Variants in MLIP observed in about 807,000 individuals in gnomAD.
The protein encoded by MLIP is muscular LMNA interacting protein.
In MLIP, 79 loss-of-function variants were observed where a neutral mutation model predicts 84.8. That is an observed-to-expected ratio of 0.93 (90% confidence interval 0.78 to 1.12). The LOEUF (loss-of-function observed/expected upper bound fraction) is 1.12. Ranked by LOEUF, MLIP falls within the 50% of genes most tolerant of loss-of-function variation. The probability of loss-of-function intolerance (pLI) is 0.00; values close to 1 mark genes in which losing one functional copy is unlikely to be tolerated. For missense variants in MLIP, 1,257 were observed against 1,160.6 expected (o/e 1.08, Z -1.21); for synonymous variants, 504 against 463.0 (o/e 1.09, Z -1.14).
chr6:54,172,798 T>C (rs1279141423), intron 9 of MLIP, among the ~76,000 whole-genome samples: 1 of 151,668 alleles, frequency 6.6e-6, no homozygotes, highest in Admixed American at 6.6e-5. Context: ...TGACATTTCA[T>C]ACAGTCTGTT....
intron 1 of MLIP, among the ~76,000 whole-genome samples, chr6:54,060,948 A>C (rs1042867363): frequency 6.6e-6 from 1 of 152,014 alleles, no homozygotes; most frequent in African/African-American, 2.4e-5. Flanking sequence ...TGGGATCTTA[A>C]TTAGAGACAT....
intron 1 of MLIP, among the ~76,000 whole-genome samples, chr6:54,040,823 C>T (rs2150301024): frequency 6.6e-6 from 1 of 152,084 alleles, no homozygotes; most frequent in Non-Finnish European, 1.5e-5. Flanking sequence ...AACAGAAAAC[C>T]AAATACTGCA....
chr6:54,255,509 C>T (rs1256076063), intron 12 of MLIP, among the ~76,000 whole-genome samples: 1 of 152,134 alleles, frequency 6.6e-6, no homozygotes, highest in African/African-American at 2.4e-5. Context: ...GGCAAATCTA[C>T]TGTGATAAAA....
Position 54,138,350 on chromosome 6 carries a change from C to A in MLIP, c.2217+64C>A, listed in dbSNP as rs180958815. ...AACAGGGAAGAATCTTTTTTTTTTC[C>A]CCAAGGCAGAAATCAATAATTATAG... On this transcript the variant is annotated intron_variant, in intron 4 of 13. Transcript: ENST00000502396. 4 of 1,452,658 alleles carry A rather than the reference C, an allele frequency of 2.8e-6. No individual in the cohort carries two copies. In the African/African-American group the frequency reaches 5.7e-5, roughly 21 times the overall value. The allele number at this position is 1,452,658 out of a possible 1,614,324, so 90.0% of individuals were successfully genotyped here.
intron 11 of MLIP, among the ~76,000 whole-genome samples, chr6:54,227,226 G>A (rs1405251329): frequency 6.6e-6 from 1 of 152,152 alleles, no homozygotes; most frequent in Non-Finnish European, 1.5e-5. Flanking sequence ...TGTACAGCCT[G>A]TGGAACTGTG....
chr6:54,220,597 C>T (rs1428802941), intron 11 of MLIP, among the ~76,000 whole-genome samples: 1 of 151,992 alleles, frequency 6.6e-6, no homozygotes, highest in Non-Finnish European at 1.5e-5. Context: ...GCCAATTACT[C>T]CCAATATGGG....
intron 10 of MLIP, among the ~76,000 whole-genome samples, chr6:54,200,032 C>T (rs1164946367): frequency 6.6e-6 from 1 of 152,062 alleles, no homozygotes; most frequent in African/African-American, 2.4e-5. Flanking sequence ...ATCCAGGAAA[C>T]TCATAAGAAC....
intron 1 of MLIP, chr6:54,019,217 T>A: frequency 1.1e-6 from 1 of 888,752 alleles, no homozygotes. Flanking sequence ...TCAATAACTT[T>A]AAAATTAATG....
chr6:54,136,609 C>T, intron 3 of MLIP, 106 bp from the exon 4 acceptor site: 8 of 1,101,346 alleles, frequency 7.3e-6, no homozygotes, highest in Non-Finnish European at 9.8e-6. Context: ...GTTTAAGATG[C>T]CTCCTTTTGT....
chr6:54,178,820 T>C lies in MLIP; in HGVS notation c.2544+9248T>C, dbSNP rs144896237. On this transcript the variant is annotated intron_variant, in intron 9 of 13. Transcript: ENST00000502396. ...GTTTTGTGACCTAACATACGGTCTA[T>C]CCTTGAGAATGATCCATGTGCTAAG... Among the ~76,000 whole-genome samples the C allele has an allele frequency of 5.8e-4, 89 of 152,318 alleles. 1 individual carries two copies. Among genetic ancestry groups the C allele is most frequent in the African/African-American group, 2.0e-3 (83 of 41,570 alleles).
At chr6:54,158,413 T>A (rs1774269819) in intron 5 of MLIP, among the ~76,000 whole-genome samples, 1 of 152,156 alleles carries the variant, frequency 6.6e-6, no homozygotes, top group South Asian at 2.1e-4. Flanking sequence ...AATAACTGTC[T>A]TGTGCCTACA....
chr6:54,196,464 A>G (rs904962577), intron 10 of MLIP, among the ~76,000 whole-genome samples: 4 of 152,006 alleles, frequency 2.6e-5, no homozygotes, highest in Non-Finnish European at 5.9e-5. Context: ...CATTAGTTTG[A>G]TGAGGATAAT....
chr6:54,223,802 A>C (rs1343020095), intron 11 of MLIP, among the ~76,000 whole-genome samples: 1 of 152,124 alleles, frequency 6.6e-6, no homozygotes, highest in African/African-American at 2.4e-5. Flanking sequence ...CCTTTTAAAA[A>C]GTAAAAAGAA....
intron 11 of MLIP, 38 bp from the exon 12 acceptor site, chr6:54,230,676 T>C (rs751206267): frequency 9.4e-6 from 15 of 1,600,776 alleles, no homozygotes; most frequent in South Asian, 5.5e-5. Context: ...GACTTTTTTA[T>C]GCTAACATCC....
At chr6:54,173,394 AG>A (rs1775962773) in intron 9 of MLIP, among the ~76,000 whole-genome samples, 1 of 151,902 alleles carries the variant, frequency 6.6e-6, no homozygotes, top group African/African-American at 2.4e-5. Context: ...GCCTAAACTT[AG>A]AAGGAATAAT....
At chr6:54,113,535 G>C (rs549136874) in intron 1 of MLIP, among the ~76,000 whole-genome samples, 11 of 152,230 alleles carry the variant, frequency 7.2e-5, no homozygotes, top group African/African-American at 2.6e-4. Flanking sequence ...TGGATACAAT[G>C]AGGAAATAAT....
chr6:54,207,012 A>G (rs1355619364), intron 11 of MLIP, among the ~76,000 whole-genome samples: 2 of 152,194 alleles, frequency 1.3e-5, no homozygotes, highest in Admixed American at 1.3e-4. Context: ...GAACCTTTTT[A>G]GGTGTAGAAA....
chr6:54,209,237 CTT>C (rs1271801295), intron 11 of MLIP, among the ~76,000 whole-genome samples: 4 of 152,012 alleles, frequency 2.6e-5, no homozygotes, highest in South Asian at 4.2e-4. Context: ...CCTTCTCTTC[CTT>C]TCTGTGACCC....
At chr6:54,142,780 AGGTGAGTGATGATGGTGGCTAT>A (rs967929458) in intron 4 of MLIP, among the ~76,000 whole-genome samples, 4 of 152,212 alleles carry the variant, frequency 2.6e-5, no homozygotes, top group African/African-American at 9.6e-5. Context: ...GCTACCATCT[AGGTGAGTGATGATGGTGGCTAT>A]GGTCAAGTTA....
Sources: allele counts gnomAD v4.1 joint callset (sites outside exome capture counted in the v4.1 genomes callset), GRCh38; gene constraint gnomAD v4.1.1; transcripts MANE v1.5; gene names NCBI Gene and HGNC (gene_info 2026-07-23, HGNC 2026-07-21).